Variants in NMU observed in about 807,000 individuals in gnomAD.
NMU encodes neuromedin U, also known as neuromedin-U.
A neutral mutation model predicts 35.4 loss-of-function variants in NMU; 29 were observed. The observed-to-expected ratio is 0.82, with a 90% CI of 0.61 to 1.12. The LOEUF (loss-of-function observed/expected upper bound fraction) is 1.12, where lower values mean the gene tolerates loss of function less well. Among genes scored for constraint, NMU ranks in the 50% most tolerant of loss-of-function variants. NMU has a pLI of 0.00. For synonymous variants in NMU, 78 were observed against 81.3 expected (o/e 0.96, Z 0.22); for missense variants, 199 against 206.2 (o/e 0.97, Z 0.21).
At position 55,605,313 on chromosome 4, in the gene NMU, G is replaced by A. The variant is rs1733634734; in HGVS notation, c.397C>T (p.His133Tyr). Residue 133 changes from histidine to tyrosine, a missense_variant, in exon 7 of 10, where the codon CAC becomes TAC. His to Tyr is a moderately conservative substitution (Grantham distance 83). Coordinates refer to ENST00000264218, the MANE Select transcript of NMU (RefSeq NM_006681.4). ...CTCTTCATTCTTCTCTCATGCAGGT[G>A]AGGAACGAGCTGCAGCAACGGATGC... ...VVHPLLQLVPHLHERRMKRFR... is the reference protein window; with the variant it reads ...VVHPLLQLVPYLHERRMKRFR... 6.2e-7 allele frequency: 1 copy of A among 1,613,608 alleles called. No homozygotes were observed. Among genetic ancestry groups the A allele is most frequent in the Admixed American group, 1.7e-5 (1 of 59,996 alleles).
Position 55,619,893 on chromosome 4 carries a change from C to CATG in NMU, c.172-3509_172-3508insCAT, listed in dbSNP as rs1294811687. On this transcript the variant is annotated intron_variant, in intron 2 of 9. Coordinates refer to ENST00000264218, the MANE Select transcript of NMU (RefSeq NM_006681.4). ...AGCAGCCTAACTGGGAGGCACCCCCCAGCAGGGGCACACTGACACCTCACA... is the reference window on the plus strand; with the variant it reads ...AGCAGCCTAACTGGGAGGCACCCCCCATGAGCAGGGGCACACTGACACCTCACA... 3.6e-3 allele frequency among the ~76,000 whole-genome samples: 468 copies of CATG among 128,758 alleles called. 7 individuals carry two copies. Among genetic ancestry groups the CATG allele is most frequent in the Non-Finnish European group, 5.2e-3 (305 of 58,144 alleles). 84.5% of individuals were successfully genotyped at this position (128,758 alleles called of 152,430 possible). A position where few individuals can be genotyped will look rare whatever the true frequency, so the allele number is the denominator to read the frequency against.
intron 8 of NMU, 53 bp from the exon 9 acceptor site, chr4:55,599,234 C>T (rs906391282): frequency 1.4e-6 from 2 of 1,380,644 alleles, no homozygotes; most frequent in African/African-American, 2.9e-5. Context: ...TGCAAGCTAA[C>T]AGTCATAGAA....
chr4:55,606,112 T>C (rs1386730990), intron 6 of NMU, among the ~76,000 whole-genome samples: 1 of 152,244 alleles, frequency 6.6e-6, no homozygotes, highest in Non-Finnish European at 1.5e-5. Context: ...AAAGCCAGTA[T>C]AATCTTTCGC....
At chr4:55,606,673 T>C (rs11728552) in intron 6 of NMU, among the ~76,000 whole-genome samples, 1 of 150,392 alleles carries the variant, frequency 6.6e-6, no homozygotes, top group Non-Finnish European at 1.5e-5. Context: ...GGGATTTTTC[T>C]TTCTTTTCTT....
intron 2 of NMU, among the ~76,000 whole-genome samples, chr4:55,617,081 T>C (rs1051060407): frequency 1.9e-4 from 29 of 152,338 alleles, no homozygotes; most frequent in Middle Eastern, 3.4e-3. Context: ...ATTTCTTTGA[T>C]GGCCTTTTAA....
intron 1 of NMU, among the ~76,000 whole-genome samples, chr4:55,632,799 G>C (rs1278834975): frequency 6.6e-6 from 1 of 152,060 alleles, no homozygotes; most frequent in African/African-American, 2.4e-5. Flanking sequence ...ACTGTGTTCA[G>C]ACACACCGCC....
intron 7 of NMU, 26 bp from the exon 8 acceptor site, chr4:55,600,601 A>G: frequency 2.6e-6 from 4 of 1,541,002 alleles, no homozygotes; most frequent in Non-Finnish European, 3.6e-6. Flanking sequence ...AGGGCATTAC[A>G]AATCACATAA....
chr4:55,625,169 T>TAAAAA (rs760890031), intron 2 of NMU, among the ~76,000 whole-genome samples: 109 of 98,302 alleles, frequency 1.1e-3, no homozygotes, highest in East Asian at 6.2e-3. Context: ...AAAGTATAAT[T>TAAAAA]AAAAAAAAAA....
chr4:55,636,134 G>T lies in NMU; in HGVS notation c.59C>A (p.Ser20Tyr). 1.3e-6 allele frequency: 2 copies of T among 1,524,896 alleles called. No individual in the cohort carries two copies. The highest frequency in any genetic ancestry group is 1.8e-6 in the Non-Finnish European group (2 of 1,142,284). The allele number at this position is 1,524,896 out of a possible 1,614,324, so 94.5% of individuals were successfully genotyped here. ...CAGCAGCAGCAGCAGCAGGAGCGGG[G>T]ACGCCGCGGCCACCTGTCCGGCGGG... ...RSPAGQVAAA[S>Y]PLLLLLLLLA... Residue 20 changes from serine (S) to tyrosine (Y), a missense_variant, in exon 1 of 10, where the codon TCC becomes TAC. By Grantham distance (144) the Ser-to-Tyr change is moderately radical. Transcript: ENST00000264218. The surrounding 1 kb of genome is among the most constrained non-coding windows in gnomAD (Gnocchi z 4.0).
chr4:55,610,159 T>C (rs1413556147), intron 3 of NMU, among the ~76,000 whole-genome samples: 1 of 152,084 alleles, frequency 6.6e-6, no homozygotes, highest in East Asian at 1.9e-4. Context: ...GGATTCTTAA[T>C]TTAGAAGTTA....
chr4:55,600,373 G>A (rs1192078724), intron 8 of NMU, 149 bp downstream of exon 8: 5 of 631,104 alleles, frequency 7.9e-6, no homozygotes, highest in East Asian at 2.8e-5. Flanking sequence ...CAATAAGGTG[G>A]TGACAGAAGT....
At position 55,600,561 on chromosome 4, in the gene NMU, A is replaced by G. The variant is rs757016602; in HGVS notation, c.450T>C (p.Ser150=). ...KRFRVDEEFQ[S]PFASQSRGYF... is the part of the protein sequence containing the mutation. ...ATCCTCGACTTTGACTTGCAAAGGG[A>G]CTTTGGAATTCTTCCTAGAAGAGAA... The change falls in exon 8 of 10, where the codon AGT becomes AGC. Residue 150 remains serine, a synonymous_variant. Coordinates refer to ENST00000264218, the MANE Select transcript of NMU (RefSeq NM_006681.4). 2.6e-5 allele frequency: 42 copies of G among 1,609,962 alleles called. No individual in the cohort carries two copies. The highest frequency in any genetic ancestry group is 2.5e-4 in the Admixed American group (15 of 59,968).
intron 6 of NMU, among the ~76,000 whole-genome samples, chr4:55,605,826 C>T (rs142570956): frequency 1.3e-5 from 2 of 152,110 alleles, no homozygotes; most frequent in Admixed American, 6.5e-5. Context: ...AAAACGGAAA[C>T]GTTGGGAGCA....
chr4:55,613,339 C>T (rs950799190), intron 3 of NMU, among the ~76,000 whole-genome samples: 2 of 152,072 alleles, frequency 1.3e-5, no homozygotes, highest in African/African-American at 4.8e-5. Flanking sequence ...TAGGCTCTAT[C>T]AAGGGATTTT....
chr4:55,633,444 T>C (rs1469834712), intron 1 of NMU, among the ~76,000 whole-genome samples: 1 of 152,194 alleles, frequency 6.6e-6, no homozygotes, highest in Non-Finnish European at 1.5e-5. Flanking sequence ...GTGATTTTCA[T>C]TCTGGATATG....
chr4:55,631,007 G>A (rs1734732800), intron 1 of NMU, among the ~76,000 whole-genome samples: 2 of 152,062 alleles, frequency 1.3e-5, no homozygotes, highest in Non-Finnish European at 2.9e-5. Context: ...AAAGAATAGA[G>A]AACAAAGAAA....
At chr4:55,619,215 G>A (rs558612047) in intron 2 of NMU, among the ~76,000 whole-genome samples, 83 of 151,256 alleles carry the variant, frequency 5.5e-4, no homozygotes, top group Non-Finnish European at 1.0e-3. Flanking sequence ...CGTGAGCGAC[G>A]CAGAAGACGG....
chr4:55,632,128 A>T (rs4865019), intron 1 of NMU, among the ~76,000 whole-genome samples: 3 of 152,144 alleles, frequency 2.0e-5, no homozygotes, highest in Admixed American at 2.0e-4. Context: ...AACATAGAGT[A>T]ATGTAATGGA....
At chr4:55,600,316 A>G (rs978601227) in intron 8 of NMU, among the ~76,000 whole-genome samples, 1 of 152,160 alleles carries the variant, frequency 6.6e-6, no homozygotes, top group Non-Finnish European at 1.5e-5. Flanking sequence ...AACATGAGCA[A>G]TAGGTCAAAG....
Sources: allele counts gnomAD v4.1 joint callset (sites outside exome capture counted in the v4.1 genomes callset), GRCh38; gene constraint gnomAD v4.1.1; non-coding constraint Gnocchi (gnomAD v3.1); transcripts MANE v1.5; gene names NCBI Gene and HGNC (gene_info 2026-07-23, HGNC 2026-07-21).